BTG4: variants seen among roughly 807,000 people sequenced by gnomAD.
The protein encoded by BTG4 is protein BTG4.
In BTG4, 10 loss-of-function variants were observed where a neutral mutation model predicts 19.3. The ratio of observed to expected loss-of-function variants is 0.52; its 90% confidence interval spans 0.32 to 0.88. The LOEUF (loss-of-function observed/expected upper bound fraction) is 0.88. BTG4 is among the 40% of genes least tolerant of loss of function. BTG4 has a pLI of 0.04. For missense variants in BTG4, 238 were observed against 281.9 expected (o/e 0.84, Z 1.11); for synonymous variants, 91 against 95.7 (o/e 0.95, Z 0.29).
chr11:111,495,262 T>A lies in BTG4; in HGVS notation c.563A>T (p.Lys188Met). ...FQSWLQIPRKKNVVDGRVGLL... is the reference protein window; with the variant it reads ...FQSWLQIPRKMNVVDGRVGLL... ...GCCAACACGGCCGTCCACCACATTC[T>A]TTTTGCGGGGGATTTGTAACCAAGA... The change falls in exon 5 of 5, where the codon AAG becomes ATG. Residue 188 changes from lysine to methionine, a missense_variant. Transcript: ENST00000692032. The A allele has an allele frequency of 6.2e-7, 1 of 1,611,206 alleles. No individual in the cohort carries two copies. The highest frequency in any genetic ancestry group is 1.3e-5 in the African/African-American group (1 of 74,766).
chr11:111,394,564 T>A, the BTG4 span, among the ~76,000 whole-genome samples: 1 of 152,228 alleles, frequency 6.6e-6, no homozygotes, highest in Admixed American at 6.5e-5. Flanking sequence ...TAAACCTCTT[T>A]TTCTTTATAA....
chr11:111,388,599 G>A, the BTG4 span, among the ~76,000 whole-genome samples: 16 of 152,164 alleles, frequency 1.1e-4, no homozygotes, highest in Non-Finnish European at 2.1e-4. Flanking sequence ...TTGGCTTCAC[G>A]CACGCCCCAC....
intron 5 of BTG4, among the ~76,000 whole-genome samples, chr11:111,478,076 C>G (rs1864502670): frequency 6.6e-6 from 1 of 152,080 alleles, no homozygotes; most frequent in South Asian, 2.1e-4. Flanking sequence ...CATCCCCACA[C>G]CTGGCAGTAA....
the BTG4 span, among the ~76,000 whole-genome samples, chr11:111,435,735 C>A: frequency 6.6e-6 from 1 of 152,128 alleles, no homozygotes; most frequent in Non-Finnish European, 1.5e-5. Context: ...GATCTATAGC[C>A]CAGCCCTCAA....
At chr11:111,454,163 G>A in the BTG4 span, 2 of 400,550 alleles carry the variant, frequency 5.0e-6, no homozygotes, top group Non-Finnish European at 9.7e-6. Context: ...GGAAGAAGAT[G>A]CATGGAAGAT....
the BTG4 span, among the ~76,000 whole-genome samples, chr11:111,453,899 T>A: frequency 6.6e-6 from 1 of 152,212 alleles, no homozygotes; most frequent in Admixed American, 6.5e-5. Flanking sequence ...GTATTTATTG[T>A]ATGTCACACT....
At chr11:111,502,678 A>G (rs1044311035) in intron 1 of BTG4, among the ~76,000 whole-genome samples, 1 of 152,200 alleles carries the variant, frequency 6.6e-6, no homozygotes, top group African/African-American at 2.4e-5. Flanking sequence ...TGCATTTACA[A>G]TAATAGAATG....
At chr11:111,392,125 T>A in the BTG4 span, among the ~76,000 whole-genome samples, 2 of 150,774 alleles carry the variant, frequency 1.3e-5, no homozygotes, top group African/African-American at 4.9e-5. Flanking sequence ...AGGGCAAAGA[T>A]AGACCTAGAA....
intron 2 of BTG4, 30 bp from the exon 3 acceptor site, chr11:111,498,165 A>G: frequency 6.2e-7 from 1 of 1,611,204 alleles, no homozygotes; most frequent in Non-Finnish European, 8.5e-7. Context: ...AAACGAAGAC[A>G]TGATGACAGA....
At chr11:111,451,386 A>C in the BTG4 span, 1 of 453,540 alleles carries the variant, frequency 2.2e-6, no homozygotes. Context: ...CTTTCGTCTG[A>C]GCAGCAACCG....
the BTG4 span, among the ~76,000 whole-genome samples, chr11:111,443,764 G>A: frequency 2.0e-5 from 3 of 152,174 alleles, no homozygotes; most frequent in African/African-American, 7.2e-5. Flanking sequence ...GACAGCTGGG[G>A]GCAACAGGAC....
At chr11:111,478,819 T>A (rs961924542) in intron 5 of BTG4, among the ~76,000 whole-genome samples, 5 of 151,310 alleles carry the variant, frequency 3.3e-5, no homozygotes, top group Non-Finnish European at 5.9e-5. Flanking sequence ...TTAATCTGAA[T>A]GAAAGAGAAA....
intron 1 of BTG4, among the ~76,000 whole-genome samples, chr11:111,500,093 G>T (rs1447185053): frequency 6.6e-6 from 1 of 151,528 alleles, no homozygotes; most frequent in African/African-American, 2.4e-5. Flanking sequence ...AGTGAGCCAA[G>T]ATCACACCAC....
chr11:111,448,569 C>G, the BTG4 span: 1 of 152,896 alleles, frequency 6.5e-6, no homozygotes, highest in African/African-American at 2.4e-5. Context: ...CAACCCCTGG[C>G]CCGGCCAGGA....
chr11:111,452,045 G>A, the BTG4 span, among the ~76,000 whole-genome samples: 13,765 of 152,246 alleles, frequency 0.09, 803 homozygotes, highest in Middle Eastern at 0.15. Context: ...ACCCCCATCT[G>A]CCAAGCCCAC....
chr11:111,472,484 G>A (rs1170156473), intron 5 of BTG4, among the ~76,000 whole-genome samples: 2 of 152,176 alleles, frequency 1.3e-5, no homozygotes, highest in Admixed American at 1.3e-4. Context: ...CAGGGATGCT[G>A]CTAAACAGCC....
At chr11:111,492,668 T>C (rs531145513), downstream of BTG4, among the ~76,000 whole-genome samples, 1 of 152,288 alleles carries the variant, frequency 6.6e-6, no homozygotes, top group African/African-American at 2.4e-5. Flanking sequence ...AGGATACTGA[T>C]AACTATGAAA....
In BTG4 at chr11:111,478,378, G is replaced by A. The variant is rs149158031; in HGVS notation, c.663-10697C>T. Among the ~76,000 whole-genome samples the A allele has an allele frequency of 2.7e-3, 405 of 152,248 alleles. 3 individuals carry two copies. The highest frequency in any genetic ancestry group is 9.2e-3 in the African/African-American group (384 of 41,550). On this transcript the variant is annotated intron_variant, in intron 5 of 5. Transcript: ENST00000356018. ...CCCTTCTCTCCCCCACTGGAATAGGGTCAAAGGAAACCAGTTGAAACAAAG... is the reference window on the plus strand; with the variant it reads ...CCCTTCTCTCCCCCACTGGAATAGGATCAAAGGAAACCAGTTGAAACAAAG...
chr11:111,497,977 A>G (rs370748068), intron 3 of BTG4, 21 bp downstream of exon 3: 64 of 1,611,084 alleles, frequency 4.0e-5, no homozygotes, highest in Non-Finnish European at 4.8e-5. Context: ...CACACAGCAC[A>G]CAAACTATGA....
Sources: allele counts gnomAD v4.1 joint callset (sites outside exome capture counted in the v4.1 genomes callset), GRCh38; gene constraint gnomAD v4.1.1; transcripts MANE v1.5; gene names NCBI Gene and HGNC (gene_info 2026-07-23, HGNC 2026-07-21).